The following KCNG3 variants were observed in gnomAD, a reference collection of about 807,000 sequenced individuals.
KCNG3 encodes the protein potassium voltage-gated channel modifier subfamily G member 3.
A neutral mutation model predicts 29.0 loss-of-function variants in KCNG3; 15 were observed. The ratio of observed to expected loss-of-function variants is 0.52; its 90% CI spans 0.35 to 0.80. KCNG3 has a LOEUF of 0.80. Among genes scored for constraint, KCNG3 ranks in the 30% least tolerant of loss-of-function variants. The probability of loss-of-function intolerance (pLI) is 0.01; values close to 1 mark genes in which losing one functional copy is unlikely to be tolerated. For missense variants in KCNG3, 512 were observed against 605.7 expected, an observed-to-expected ratio of 0.85 and a Z score of 1.62; for synonymous variants, 322 against 248.9, an observed-to-expected ratio of 1.29 and a Z score of -2.76.
the KCNG3 span, chr2:42,415,537 G>C: frequency 6.6e-6 from 1 of 152,150 alleles, no homozygotes; most frequent in Non-Finnish European, 1.5e-5. Flanking sequence ...ATGTGGCACA[G>C]AGTTGTGGCC....
chr2:42,422,218 C>A, the KCNG3 span, among the ~76,000 whole-genome samples: 1 of 152,028 alleles, frequency 6.6e-6, no homozygotes, highest in African/African-American at 2.4e-5. Context: ...GAGGTGGGAC[C>A]TTTAAGGGGT....
the KCNG3 span, among the ~76,000 whole-genome samples, chr2:42,426,854 C>T: frequency 1.3e-5 from 2 of 152,148 alleles, no homozygotes; most frequent in African/African-American, 4.8e-5. Flanking sequence ...TATTTTAAGG[C>T]AAGTATCTTT....
At chr2:42,490,938 C>T (rs1013832400) in intron 1 of KCNG3, among the ~76,000 whole-genome samples, 4 of 152,160 alleles carry the variant, frequency 2.6e-5, no homozygotes, top group Non-Finnish European at 5.9e-5. Flanking sequence ...CATCCTCATT[C>T]GGCCATCCTG....
intron 1 of KCNG3, among the ~76,000 whole-genome samples, chr2:42,454,730 A>C (rs577624350): frequency 6.6e-6 from 1 of 152,268 alleles, no homozygotes; most frequent in South Asian, 2.1e-4. Flanking sequence ...AAAAGAAAGA[A>C]AGGAAATCCT....
At chr2:42,394,281 G>C in the KCNG3 span, among the ~76,000 whole-genome samples, 1 of 152,188 alleles carries the variant, frequency 6.6e-6, no homozygotes, top group Non-Finnish European at 1.5e-5. Flanking sequence ...AGGCAGGGAA[G>C]AGTAGACATA....
intron 1 of KCNG3, among the ~76,000 whole-genome samples, chr2:42,466,380 C>A (rs190295209): frequency 2.0e-5 from 3 of 152,242 alleles, no homozygotes; most frequent in African/African-American, 7.2e-5. Flanking sequence ...TGCACTCCAG[C>A]CTCAGCAACA....
chr2:42,425,755 G>T, the KCNG3 span, among the ~76,000 whole-genome samples: 1 of 152,098 alleles, frequency 6.6e-6, no homozygotes, highest in African/African-American at 2.4e-5. Flanking sequence ...AACAGAATAT[G>T]AAAGCGGGTC....
the KCNG3 span, among the ~76,000 whole-genome samples, chr2:42,433,762 A>C: frequency 6.6e-6 from 1 of 152,000 alleles, no homozygotes; most frequent in Non-Finnish European, 1.5e-5. Context: ...CAAAACAAAA[A>C]AACAATTGGC....
the KCNG3 span, among the ~76,000 whole-genome samples, chr2:42,388,987 G>A: frequency 1.3e-5 from 2 of 151,930 alleles, no homozygotes; most frequent in East Asian, 1.9e-4. Context: ...GCAGGATCTC[G>A]GCTTACTGTA....
chr2:42,393,997 T>A, the KCNG3 span, among the ~76,000 whole-genome samples: 1 of 152,084 alleles, frequency 6.6e-6, no homozygotes, highest in Non-Finnish European at 1.5e-5. Flanking sequence ...GCCAGACTGG[T>A]CTTGAACTCC....
At chr2:42,423,133 C>T in the KCNG3 span, among the ~76,000 whole-genome samples, 74 of 152,314 alleles carry the variant, frequency 4.9e-4, no homozygotes, top group Admixed American at 1.8e-3. Context: ...TTGGATACTT[C>T]CCAGGCTCCT....
intron 1 of KCNG3, among the ~76,000 whole-genome samples, chr2:42,492,090 A>G (rs2103618143): frequency 6.6e-6 from 1 of 151,994 alleles, no homozygotes; most frequent in Non-Finnish European, 1.5e-5. Flanking sequence ...AGTAAAGTAG[A>G]AAAAAAAATT....
chr2:42,418,349 T>C, the KCNG3 span, among the ~76,000 whole-genome samples: 1 of 152,234 alleles, frequency 6.6e-6, no homozygotes, highest in Non-Finnish European at 1.5e-5. Flanking sequence ...CATCTGTTTA[T>C]GGACAGCTGG....
intron 1 of KCNG3, among the ~76,000 whole-genome samples, chr2:42,476,651 T>C (rs1673434632): frequency 6.6e-6 from 1 of 151,200 alleles, no homozygotes. Flanking sequence ...CATGCCTGGC[T>C]AATGTTTTTT....
At chr2:42,454,487 A>C (rs1327793130) in intron 1 of KCNG3, among the ~76,000 whole-genome samples, 3 of 152,128 alleles carry the variant, frequency 2.0e-5, no homozygotes, top group Admixed American at 1.3e-4. Flanking sequence ...CGAGGCGGGC[A>C]GATCACCTGA....
intron 1 of KCNG3, among the ~76,000 whole-genome samples, chr2:42,474,983 A>G (rs575999634): frequency 1.3e-5 from 2 of 152,262 alleles, no homozygotes; most frequent in South Asian, 4.1e-4. Context: ...CAAGGAAGCT[A>G]CCTTATTTCC....
chr2:42,485,545 C>T (rs1004901283), intron 1 of KCNG3, among the ~76,000 whole-genome samples: 8 of 151,966 alleles, frequency 5.3e-5, no homozygotes, highest in Non-Finnish European at 1.0e-4. Context: ...CCTGGGTTCA[C>T]GCCATTCTCC....
At chr2:42,398,387 C>T in the KCNG3 span, among the ~76,000 whole-genome samples, 1 of 152,046 alleles carries the variant, frequency 6.6e-6, no homozygotes, top group African/African-American at 2.4e-5. Flanking sequence ...TCTGAGCATC[C>T]AGTCTCTTCC....
chr2:42,416,118 C>T, the KCNG3 span, among the ~76,000 whole-genome samples: 3 of 151,446 alleles, frequency 2.0e-5, no homozygotes, highest in Admixed American at 1.3e-4. Context: ...GGCTGAGGCA[C>T]GAGAGTCACT....
Sources: allele counts gnomAD v4.1 joint callset (sites outside exome capture counted in the v4.1 genomes callset), GRCh38; gene constraint gnomAD v4.1.1; transcripts MANE v1.5; gene names NCBI Gene and HGNC (gene_info 2026-07-23, HGNC 2026-07-21).